The following POGZ variants were observed in gnomAD, a reference collection of about 807,000 sequenced individuals.
POGZ encodes the protein pogo transposable element with ZNF domain.
In POGZ, 17 loss-of-function variants were observed where a neutral mutation model predicts 134.6. That is an observed-to-expected ratio of 0.13 (90% CI 0.09 to 0.19). The LOEUF is 0.19. POGZ is among the 10% of genes least tolerant of loss of function. The pLI, the probability that POGZ is intolerant of heterozygous loss-of-function variation, is 1.00. For synonymous variants in POGZ, 693 were observed against 657.1 expected (o/e 1.05, Z -0.84); for missense variants, 1,306 against 1,769.7 (o/e 0.74, Z 4.70).
At chr1:151,455,894 C>CTTTTTTTTT (rs768038263) in intron 1 of POGZ, among the ~76,000 whole-genome samples, 1 of 117,590 alleles carries the variant, frequency 8.5e-6, no homozygotes, top group African/African-American at 3.3e-5. Context: ...TAGTTTCTTT[C>CTTTTTTTTT]TTTTTTTTTT....
chr1:151,459,113 C>G (rs1233900476), intron 1 of POGZ, 39 bp downstream of exon 1: 3 of 150,736 alleles, frequency 2.0e-5, no homozygotes, highest in African/African-American at 4.9e-5. Context: ...CCCCCGGGAG[C>G]AGGGGGTGGG....
intron 3 of POGZ, among the ~76,000 whole-genome samples, chr1:151,438,534 G>A (rs1352517207): frequency 2.0e-5 from 3 of 152,024 alleles, no homozygotes; most frequent in Non-Finnish European, 4.4e-5. Context: ...AGAATCAAGG[G>A]TACATTCAAG....
Position 151,404,511 on chromosome 1 carries a change from C to T in POGZ, c.*291G>A, listed in dbSNP as rs1441477270. On this transcript the variant is annotated 3_prime_UTR_variant, in exon 19 of 19. Transcript: ENST00000271715. ...TTTTCTTAATTTTGTCAGAAAAATACCAAACACAGTGATTTAAATTTAAAA... is the reference window on the plus strand; with the variant it reads ...TTTTCTTAATTTTGTCAGAAAAATATCAAACACAGTGATTTAAATTTAAAA... 1 of 1,076,406 alleles carries T rather than the reference C, an allele frequency of 9.3e-7. No individual in the cohort carries two copies. Among genetic ancestry groups the T allele is most frequent in the Non-Finnish European group, 1.1e-6 (1 of 888,878 alleles). The allele number at this position is 1,076,406 out of a possible 1,614,324, so 66.7% of individuals were successfully genotyped here.
intron 6 of POGZ, 34 bp downstream of exon 6, chr1:151,428,089 C>T (rs1658073277): frequency 3.1e-6 from 5 of 1,613,468 alleles, no homozygotes; most frequent in East Asian, 2.2e-5. Flanking sequence ...ACCATCCCAA[C>T]CTGGCTCTGC....
At chr1:151,450,922 C>T (rs550782077) in intron 1 of POGZ, 4 of 152,046 alleles carry the variant, frequency 2.6e-5, no homozygotes, top group African/African-American at 9.7e-5. Context: ...TAGCCAGGAC[C>T]GGTGCAGTGG....
intron 2 of POGZ, 101 bp from the exon 3 acceptor site, chr1:151,441,187 G>T: frequency 2.2e-6 from 2 of 895,360 alleles, no homozygotes; most frequent in Non-Finnish European, 3.3e-6. Context: ...GGTCTCTATA[G>T]CCAAAAAGTT....
At chr1:151,416,555 A>G (rs566574885) in intron 10 of POGZ, among the ~76,000 whole-genome samples, 1 of 152,254 alleles carries the variant, frequency 6.6e-6, no homozygotes, top group African/African-American at 2.4e-5. Context: ...CCCTAGGGCC[A>G]TACAAGCTCC....
At chr1:151,434,749 A>T (rs1659297813) in intron 3 of POGZ, among the ~76,000 whole-genome samples, 1 of 151,450 alleles carries the variant, frequency 6.6e-6, no homozygotes, top group African/African-American at 2.4e-5. Flanking sequence ...TGCCCAGCTC[A>T]TTTTTTTGTA....
chr1:151,433,521 T>C (rs956171206), intron 3 of POGZ, among the ~76,000 whole-genome samples: 1 of 150,164 alleles, frequency 6.7e-6, no homozygotes, highest in Non-Finnish European at 1.5e-5. Flanking sequence ...GGCAAGAGTA[T>C]TGCTTGAACC....
chr1:151,434,620 G>C (rs922768463), intron 3 of POGZ, among the ~76,000 whole-genome samples: 1 of 152,136 alleles, frequency 6.6e-6, no homozygotes, highest in African/African-American at 2.4e-5. Context: ...GTCTTGCTCT[G>C]TCACCAGGGT....
rs1653558394 is a variant in POGZ, at chr1:151,406,179, G to A, written c.2856C>T (p.Thr952=). ...CACCTGATGCTAGCTCAGGTTCTTG[G>A]GTGACTGGGCTCCCTTCATCCTGAT... The part of the protein sequence containing the change: ...VDDQDEGSPV[T]QEPELASGGG... Residue 952 remains threonine (T), a synonymous_variant, in exon 19 of 19, where the codon ACC becomes ACT. Coordinates refer to ENST00000271715, the MANE Select transcript of POGZ (RefSeq NM_015100.4). 1 of 1,614,138 alleles carries A rather than the reference G, an allele frequency of 6.2e-7. No homozygotes were observed. Among genetic ancestry groups the A allele is most frequent in the African/African-American group, 1.3e-5 (1 of 75,020 alleles).
chr1:151,431,059 C>T lies in POGZ; in HGVS notation c.284-218G>A, dbSNP rs72996068. On this transcript the variant is annotated intron_variant, in intron 3 of 18. Transcript: ENST00000271715. ...CAGGTGATTCTTCCACCTCAGCCTC[C>T]CAAGTACAAATCCACATTTTATTAG... Among the ~76,000 whole-genome samples the T allele has an allele frequency of 0.016, 2,491 of 152,084 alleles. 83 individuals are homozygous for T. The highest frequency in any genetic ancestry group is 0.057 in the African/African-American group (2,366 of 41,454).
intron 10 of POGZ, among the ~76,000 whole-genome samples, chr1:151,417,688 C>CCCCACACACA (rs1491166806): frequency 2.9e-5 from 4 of 137,464 alleles, no homozygotes; most frequent in African/African-American, 1.1e-4. Context: ...GGTACTGTGG[C>CCCCACACACA]CACACACACA....
At chr1:151,457,633 G>A (rs977043271) in intron 1 of POGZ, among the ~76,000 whole-genome samples, 4 of 152,138 alleles carry the variant, frequency 2.6e-5, no homozygotes, top group Non-Finnish European at 5.9e-5. Flanking sequence ...AATGCCTACA[G>A]AAGTAAAACC....
chr1:151,420,730 A>G (rs1656743225), intron 10 of POGZ, among the ~76,000 whole-genome samples: 1 of 152,126 alleles, frequency 6.6e-6, no homozygotes, highest in Non-Finnish European at 1.5e-5. Context: ...CTCAAACCCA[A>G]TTTAGATTTG....
At chr1:151,435,396 A>G (rs1039396308) in intron 3 of POGZ, among the ~76,000 whole-genome samples, 3 of 152,234 alleles carry the variant, frequency 2.0e-5, no homozygotes, top group African/African-American at 7.2e-5. Flanking sequence ...ACATAAGATG[A>G]GTCAGAACTA....
At position 151,408,489 on chromosome 1, in the gene POGZ, C is replaced by T. The variant is rs1368337501; in HGVS notation, c.2154G>A (p.Leu718=). 3.8e-6 allele frequency: 6 copies of T among 1,593,954 alleles called. No homozygotes were observed. The highest frequency in any genetic ancestry group is 5.1e-6 in the Non-Finnish European group (6 of 1,174,306). The change falls in exon 14 of 19, where the codon CTG becomes CTA. Residue 718 remains leucine (L), a synonymous_variant. Coordinates refer to ENST00000271715, the MANE Select transcript of POGZ (RefSeq NM_015100.4). ...CAGGCAGAGGGTCCATTGAGGAGGT[C>T]AGCGGTGCTGCCTCCTGCAAGGCGC... ...PPSALQEAAP[L]TSSMDPLPVF...
At chr1:151,448,634 C>T (rs889254590) in intron 1 of POGZ, among the ~76,000 whole-genome samples, 1 of 151,882 alleles carries the variant, frequency 6.6e-6, no homozygotes, top group African/African-American at 2.4e-5. Context: ...ACTGCTTGAG[C>T]CCTAATTCTT....
In POGZ at chr1:151,405,604, T is replaced by C. The variant is rs2102144627; in HGVS notation, c.3431A>G (p.Glu1144Gly). The C allele has an allele frequency of 6.2e-7, 1 of 1,614,208 alleles. No homozygotes were observed. The highest frequency in any genetic ancestry group is 2.2e-5 in the East Asian group (1 of 44,894). The change falls in exon 19 of 19, where the codon GAG (glutamate) becomes GGG (glycine). Residue 1144 changes from glutamate (E) to glycine (G), a missense_variant. Around this residue, in one of 10 missense-constraint regions of POGZ, gnomAD observed 161 missense variants for 185.4 expected, o/e 0.87. Transcript: ENST00000271715. This position sits in a 1 kb window ranked among gnomAD's most constrained non-coding sequence, Gnocchi z 4.9. The stretch of plus-strand genomic sequence containing the variant: ...TGTGCCCACTGTCTGCAGGGCATTC[T>C]CCTTTCGATCATCACTGCTCAGCAC... ...TEVLSSDDRK[E>G]NALQTVGTGE...
Sources: allele counts gnomAD v4.1 joint callset (sites outside exome capture counted in the v4.1 genomes callset), GRCh38; gene constraint gnomAD v4.1.1; regional missense constraint gnomAD v4.1.1; non-coding constraint Gnocchi (gnomAD v3.1); transcripts MANE v1.5; gene names NCBI Gene and HGNC (gene_info 2026-07-23, HGNC 2026-07-21).